PDE3A: variants seen among roughly 807,000 people sequenced by gnomAD.
The protein encoded by PDE3A is phosphodiesterase 3A.
A neutral mutation model predicts 98.3 loss-of-function variants in PDE3A; 43 were observed. The observed-to-expected ratio is 0.44, with a 90% CI of 0.34 to 0.56. The LOEUF (loss-of-function observed/expected upper bound fraction) is 0.56, where lower values mean the gene tolerates loss of function less well. Among genes scored for constraint, PDE3A ranks in the 20% least tolerant of loss-of-function variants. The pLI, the probability that PDE3A is intolerant of heterozygous loss-of-function variation, is 0.01. For missense variants in PDE3A, 1,427 were observed against 1,440.7 expected (o/e 0.99, Z 0.15); for synonymous variants, 663 against 567.9 (o/e 1.17, Z -2.38).
At chr12:20,370,299 C>T (rs1003283475) in intron 1 of PDE3A, 55 bp downstream of exon 1, 4 of 1,463,726 alleles carry the variant, frequency 2.7e-6, no homozygotes, top group Non-Finnish European at 2.7e-6. Flanking sequence ...ACTTGGCAAC[C>T]GGCGCAGAGT....
At chr12:20,601,230 TTTTGTTTG>T (rs72133519) in intron 2 of PDE3A, among the ~76,000 whole-genome samples, 6,707 of 151,418 alleles carry the variant, frequency 0.044, 168 homozygotes, top group South Asian at 0.066. Flanking sequence ...CTCCAAGGCT[TTTTGTTTG>T]TTTGTTTGTT....
At chr12:20,547,197 T>C (rs1372397745) in intron 1 of PDE3A, among the ~76,000 whole-genome samples, 1 of 142,986 alleles carries the variant, frequency 7.0e-6, no homozygotes, top group Admixed American at 6.7e-5. Flanking sequence ...ACTGTACTTA[T>C]ATAAACTTAC....
At chr12:20,533,852 A>G (rs1490552562) in intron 1 of PDE3A, among the ~76,000 whole-genome samples, 1 of 152,122 alleles carries the variant, frequency 6.6e-6, no homozygotes, top group African/African-American at 2.4e-5. Context: ...TTTTAAACCA[A>G]TAGTATACAT....
intron 1 of PDE3A, among the ~76,000 whole-genome samples, chr12:20,463,456 A>G (rs1945287890): frequency 6.6e-6 from 1 of 152,174 alleles, no homozygotes. Context: ...ATTATGTTAT[A>G]CTTGTTATTT....
intron 1 of PDE3A, among the ~76,000 whole-genome samples, chr12:20,467,268 G>A (rs1318516894): frequency 6.6e-6 from 1 of 150,992 alleles, no homozygotes; most frequent in Non-Finnish European, 1.5e-5. Context: ...ATGTCTGAAT[G>A]AGATCCTTTA....
chr12:20,451,910 C>T (rs1376498618), intron 1 of PDE3A, among the ~76,000 whole-genome samples: 4 of 152,148 alleles, frequency 2.6e-5, no homozygotes. Flanking sequence ...GTGGGATGCT[C>T]ACACTTAACC....
intron 15 of PDE3A, among the ~76,000 whole-genome samples, chr12:20,664,271 C>T (rs1365158151): frequency 6.6e-6 from 1 of 152,134 alleles, no homozygotes; most frequent in Non-Finnish European, 1.5e-5. Flanking sequence ...CAGGGAAATT[C>T]ACAATCTAAT....
chr12:20,419,738 A>ATTTTTTT (rs34873079), intron 1 of PDE3A, among the ~76,000 whole-genome samples: 4 of 132,672 alleles, frequency 3.0e-5, no homozygotes, highest in Non-Finnish European at 3.1e-5. Flanking sequence ...TTAATATTGT[A>ATTTTTTT]TTTTTTTTTT....
intron 2 of PDE3A, among the ~76,000 whole-genome samples, chr12:20,592,845 C>A (rs532100772): frequency 6.6e-6 from 1 of 151,984 alleles, no homozygotes; most frequent in Non-Finnish European, 1.5e-5. Context: ...CTTTTCAGAC[C>A]GATTAGAATA....
chr12:20,506,284 C>A (rs1946117008), intron 1 of PDE3A, among the ~76,000 whole-genome samples: 1 of 151,918 alleles, frequency 6.6e-6, no homozygotes, highest in Admixed American at 6.6e-5. Context: ...GGAAGTTATA[C>A]TATACATTTA....
chr12:20,648,827 T>A lies in PDE3A; in HGVS notation c.2705T>A (p.Ile902Asn). The change falls in exon 13 of 16, where the codon ATT becomes AAT. Residue 902 changes from isoleucine to asparagine, a missense_variant. Ile to Asn is a moderately radical substitution (Grantham distance 149, BLOSUM62 -3). Coordinates refer to ENST00000359062, the MANE Select transcript of PDE3A (RefSeq NM_000921.5). ...TTTAAGCATTTCCGTTTCCTTGTCATTGAAGCAATTTTGGCCACTGACCTG... is the reference window on the plus strand; with the variant it reads ...TTTAAGCATTTCCGTTTCCTTGTCAATGAAGCAATTTTGGCCACTGACCTG... ...VEFKHFRFLV[I>N]EAILATDLKK... is the part of the protein sequence containing the mutation. 6 of 1,614,074 alleles carry A rather than the reference T, an allele frequency of 3.7e-6. No individual in the cohort carries two copies. The highest frequency in any genetic ancestry group is 5.1e-6 in the Non-Finnish European group (6 of 1,179,924).
chr12:20,507,165 G>A (rs1316694783), intron 1 of PDE3A, among the ~76,000 whole-genome samples: 1 of 151,834 alleles, frequency 6.6e-6, no homozygotes, highest in East Asian at 1.9e-4. Context: ...CTACATTTCT[G>A]TTTGTATTGG....
chr12:20,513,416 A>G (rs936275185), intron 1 of PDE3A, among the ~76,000 whole-genome samples: 1 of 152,158 alleles, frequency 6.6e-6, no homozygotes, highest in Non-Finnish European at 1.5e-5. Context: ...GCAGAAAATA[A>G]ACTATTTCAT....
At chr12:20,596,434 T>C (rs1943467897) in intron 2 of PDE3A, among the ~76,000 whole-genome samples, 1 of 152,190 alleles carries the variant, frequency 6.6e-6, no homozygotes. Context: ...TTTAATTGTC[T>C]CATAACATTC....
chr12:20,615,990 C>A (rs1261982608), intron 3 of PDE3A, among the ~76,000 whole-genome samples: 1 of 152,048 alleles, frequency 6.6e-6, no homozygotes, highest in African/African-American at 2.4e-5. Flanking sequence ...TCCCAAAGTG[C>A]TGGAATTACA....
chr12:20,496,260 G>T (rs1336302670), intron 1 of PDE3A, among the ~76,000 whole-genome samples: 3 of 152,204 alleles, frequency 2.0e-5, no homozygotes, highest in African/African-American at 7.2e-5. Flanking sequence ...ATGAAGTGAT[G>T]AAGTGATAAG....
chr12:20,399,893 G>C (rs10841507), intron 1 of PDE3A, among the ~76,000 whole-genome samples: 6,320 of 152,258 alleles, frequency 0.042, 454 homozygotes, highest in African/African-American at 0.14. Flanking sequence ...GCAATCATTT[G>C]TGTATTTGTA....
At chr12:20,516,033 ATT>A (rs200516348) in intron 1 of PDE3A, among the ~76,000 whole-genome samples, 1 of 138,552 alleles carries the variant, frequency 7.2e-6, no homozygotes, top group African/African-American at 2.6e-5. Context: ...CGCCCGGCCT[ATT>A]TTTTTTTTTT....
At chr12:20,458,102 G>T (rs544007031) in intron 1 of PDE3A, among the ~76,000 whole-genome samples, 1 of 149,680 alleles carries the variant, frequency 6.7e-6, no homozygotes, top group African/African-American at 2.4e-5. Context: ...TTTTGTATAT[G>T]TTCATCTTCA....
Sources: allele counts gnomAD v4.1 joint callset (sites outside exome capture counted in the v4.1 genomes callset), GRCh38; gene constraint gnomAD v4.1.1; transcripts MANE v1.5; gene names NCBI Gene and HGNC (gene_info 2026-07-23, HGNC 2026-07-21).